The following MROH9 variants were observed in gnomAD, a reference collection of about 807,000 sequenced individuals.
MROH9 encodes maestro heat like repeat family member 9, also known as maestro heat-like repeat-containing protein family member 9.
Under a neutral mutation model 98.2 loss-of-function variants are expected in MROH9, and 92 were observed. The ratio of observed to expected loss-of-function variants is 0.94; its 90% CI spans 0.79 to 1.11. The LOEUF is 1.11. Among genes scored for constraint, MROH9 ranks in the 50% most tolerant of loss-of-function variants. The pLI is 0.00. For missense variants in MROH9, 1,057 were observed against 1,014.8 expected (o/e 1.04, Z -0.57); for synonymous variants, 397 against 368.9 (o/e 1.08, Z -0.87).
At chr1:170,953,824 A>G (rs2101882197) in intron 3 of MROH9, among the ~76,000 whole-genome samples, 1 of 150,758 alleles carries the variant, frequency 6.6e-6, no homozygotes, top group South Asian at 2.1e-4. Flanking sequence ...GAGATGAAAG[A>G]AAGAAAAAGA....
intron 17 of MROH9, among the ~76,000 whole-genome samples, chr1:171,020,641 A>G (rs1303870357): frequency 6.6e-6 from 1 of 152,206 alleles, no homozygotes; most frequent in Non-Finnish European, 1.5e-5. Context: ...TTTATGACAA[A>G]CACACAGCCA....
chr1:170,988,485 C>T (rs1419065828), intron 10 of MROH9, among the ~76,000 whole-genome samples: 3 of 152,074 alleles, frequency 2.0e-5, no homozygotes, highest in African/African-American at 7.2e-5. Flanking sequence ...GAAGGCTTAC[C>T]AAGTCCCTGA....
chr1:170,995,628 C>T, intron 13 of MROH9, 97 bp downstream of exon 13: 1 of 1,327,732 alleles, frequency 7.5e-7, no homozygotes. Flanking sequence ...CTTTACAGTC[C>T]CATGTGCGGT....
chr1:171,022,300 A>G (rs1652546921), intron 17 of MROH9, among the ~76,000 whole-genome samples: 1 of 152,220 alleles, frequency 6.6e-6, no homozygotes, highest in African/African-American at 2.4e-5. Flanking sequence ...ATGCACATGT[A>G]TGTTTATTGC....
chr1:170,991,746 T>A (rs888305262), intron 11 of MROH9, among the ~76,000 whole-genome samples: 27 of 152,170 alleles, frequency 1.8e-4, no homozygotes, highest in African/African-American at 6.5e-4. Flanking sequence ...TAGGATTTTT[T>A]AATTTTTATA....
At chr1:171,048,923 G>GTATGTT (rs1316704041) in intron 20 of MROH9, among the ~76,000 whole-genome samples, 1 of 152,142 alleles carries the variant, frequency 6.6e-6, no homozygotes, top group African/African-American at 2.4e-5. Context: ...TTGGCCCAGG[G>GTATGTT]TATGTTTAGA....
chr1:170,939,379 C>T (rs896078637), intron 1 of MROH9, among the ~76,000 whole-genome samples: 1 of 152,198 alleles, frequency 6.6e-6, no homozygotes, highest in Admixed American at 6.5e-5. Context: ...GGGAGTATTT[C>T]TCTTGGCCAT....
At chr1:171,009,883 G>A (rs1305691826) in intron 15 of MROH9, among the ~76,000 whole-genome samples, 3 of 152,176 alleles carry the variant, frequency 2.0e-5, no homozygotes, top group Non-Finnish European at 2.9e-5. Context: ...AGAAGTAGTG[G>A]CTTCTACTAG....
At chr1:170,943,479 T>G (rs1375046521) in intron 1 of MROH9, among the ~76,000 whole-genome samples, 2 of 151,582 alleles carry the variant, frequency 1.3e-5, no homozygotes, top group African/African-American at 4.8e-5. Context: ...ATAAATAAAT[T>G]TTAACAAAAT....
chr1:171,006,735 T>G (rs968966779), intron 15 of MROH9, among the ~76,000 whole-genome samples: 1 of 151,802 alleles, frequency 6.6e-6, no homozygotes, highest in Non-Finnish European at 1.5e-5. Flanking sequence ...TTCTTTCTTG[T>G]GTGTGATCAA....
At chr1:171,007,719 T>A (rs1315840165) in intron 15 of MROH9, among the ~76,000 whole-genome samples, 1 of 152,186 alleles carries the variant, frequency 6.6e-6, no homozygotes, top group Non-Finnish European at 1.5e-5. Context: ...AGGCCACTGC[T>A]GAGAAGAGAT....
chr1:171,024,299 A>ACGGTGTG, intron 17 of MROH9, 96 bp from the exon 18 acceptor site: 1 of 716,244 alleles, frequency 1.4e-6, no homozygotes, highest in South Asian at 1.9e-5. Context: ...GTATATTTAT[A>ACGGTGTG]TGGGGTGTGT....
At chr1:170,952,841 G>T (rs1311089361) in intron 3 of MROH9, among the ~76,000 whole-genome samples, 2 of 151,966 alleles carry the variant, frequency 1.3e-5, no homozygotes. Context: ...GCAGCAAGCA[G>T]CAGCTTTTGA....
At chr1:171,013,885 ACAC>A (rs1652241708) in intron 15 of MROH9, among the ~76,000 whole-genome samples, 2 of 125,694 alleles carry the variant, frequency 1.6e-5, no homozygotes, top group Non-Finnish European at 3.2e-5. Context: ...ACACACACAC[ACAC>A]ACACACACAC....
Position 170,989,907 on chromosome 1 carries a change from T to C in MROH9, c.932T>C (p.Met311Thr), listed in dbSNP as rs1281328041. ...AGGCAACTGTGTGATAACAATTGTA[T>C]GAAGGATGTTATGTTGCAGGTTATC... Reference protein sequence around the residue: ...IYRQLCDNNCMKDVMLQVITL... With the variant: ...IYRQLCDNNCTKDVMLQVITL... The change falls in exon 11 of 22, where the codon ATG becomes ACG. Residue 311 changes from methionine (M) to threonine (T), a missense_variant. Physicochemically the swap from Met to Thr is moderately conservative, Grantham distance 81. Coordinates refer to ENST00000367759, the MANE Select transcript of MROH9 (RefSeq NM_001163629.2). 2 of 1,612,944 alleles carry C rather than the reference T, an allele frequency of 1.2e-6. No homozygotes were observed. Among genetic ancestry groups the C allele is most frequent in the Non-Finnish European group, 1.7e-6 (2 of 1,179,208 alleles).
At chr1:170,984,356 T>G (rs1247781559) in intron 9 of MROH9, among the ~76,000 whole-genome samples, 1 of 152,182 alleles carries the variant, frequency 6.6e-6, no homozygotes. Flanking sequence ...ACATCTAACA[T>G]GGTATGGTCA....
intron 3 of MROH9, 75 bp downstream of exon 3, chr1:170,947,648 C>T: frequency 7.8e-7 from 1 of 1,283,684 alleles, no homozygotes; most frequent in Non-Finnish European, 1.1e-6. Context: ...GTTTCCATTA[C>T]AAGGATGTTA....
intron 17 of MROH9, among the ~76,000 whole-genome samples, chr1:171,023,506 A>G (rs1008993686): frequency 1.3e-5 from 2 of 152,170 alleles, no homozygotes; most frequent in African/African-American, 4.8e-5. Context: ...ATGTTATTAA[A>G]TACTAATCAT....
intron 8 of MROH9, among the ~76,000 whole-genome samples, chr1:170,982,350 A>C (rs191933021): frequency 5.3e-5 from 8 of 152,106 alleles, no homozygotes; most frequent in Non-Finnish European, 1.2e-4. Flanking sequence ...CCCCCCAAAA[A>C]AGAGTATATA....
Sources: allele counts gnomAD v4.1 joint callset (sites outside exome capture counted in the v4.1 genomes callset), GRCh38; gene constraint gnomAD v4.1.1; transcripts MANE v1.5; gene names NCBI Gene and HGNC (gene_info 2026-07-23, HGNC 2026-07-21).